The following RGS5 variants were observed in gnomAD, a reference collection of about 807,000 sequenced individuals.
RGS5 encodes regulator of G protein signaling 5.
RGS5 carries 20 observed loss-of-function variants against 18.9 expected under a neutral mutation model. The ratio of observed to expected loss-of-function variants is 1.06; its 90% CI spans 0.74 to 1.54. The LOEUF (loss-of-function observed/expected upper bound fraction) is 1.54. Among genes scored for constraint, RGS5 ranks in the 40% most tolerant of loss-of-function variants. The pLI, the probability that RGS5 is intolerant of heterozygous loss-of-function variation, is 0.00. For synonymous variants in RGS5, 57 were observed against 76.2 expected (o/e 0.75, Z 1.31); for missense variants, 201 against 211.8 (o/e 0.95, Z 0.32).
intron 2 of RGS5, among the ~76,000 whole-genome samples, chr1:163,277,147 T>C (rs1648878383): frequency 1.3e-5 from 2 of 152,180 alleles, no homozygotes; most frequent in Admixed American, 1.3e-4. Flanking sequence ...TGATTCCAGG[T>C]CTTTAGATAA....
At chr1:163,319,850 T>A (rs1226440423) in intron 1 of RGS5, among the ~76,000 whole-genome samples, 1 of 152,194 alleles carries the variant, frequency 6.6e-6, no homozygotes, top group African/African-American at 2.4e-5. Context: ...TTATGGGTGA[T>A]AACAAAACTC....
intron 1 of RGS5, chr1:163,211,775 A>G (rs1660110958): frequency 6.6e-6 from 1 of 152,176 alleles, no homozygotes; most frequent in African/African-American, 2.4e-5. Flanking sequence ...GTCTCTGAAA[A>G]GAACAGTCAA....
intron 2 of RGS5, chr1:163,239,034 G>T: frequency 4.6e-6 from 1 of 215,136 alleles, no homozygotes. Context: ...GTGAGCTACT[G>T]CGGTACCAAG....
At chr1:163,268,132 G>C (rs1022021862) in intron 2 of RGS5, among the ~76,000 whole-genome samples, 2 of 151,780 alleles carry the variant, frequency 1.3e-5, no homozygotes, top group African/African-American at 4.8e-5. Flanking sequence ...ATGTGTAAAT[G>C]AGACACTAAA....
intron 2 of RGS5, among the ~76,000 whole-genome samples, chr1:163,294,345 C>A (rs1465001597): frequency 2.6e-5 from 4 of 152,238 alleles, no homozygotes; most frequent in Non-Finnish European, 4.4e-5. Flanking sequence ...ACAGGCCCAA[C>A]ACCACATGGG....
chr1:163,164,242 T>C (rs1021007441), intron 2 of RGS5, among the ~76,000 whole-genome samples: 1 of 152,142 alleles, frequency 6.6e-6, no homozygotes, highest in African/African-American at 2.4e-5. Flanking sequence ...GGAAACAAGA[T>C]AGATGCAGAT....
At chr1:163,194,883 C>G (rs1273926663) in intron 1 of RGS5, among the ~76,000 whole-genome samples, 1 of 151,932 alleles carries the variant, frequency 6.6e-6, no homozygotes, top group Non-Finnish European at 1.5e-5. Flanking sequence ...TTTGTAAAGA[C>G]TTGATATGTT....
intron 1 of RGS5, among the ~76,000 whole-genome samples, chr1:163,198,290 T>C (rs936199235): frequency 1.3e-5 from 2 of 152,122 alleles, no homozygotes; most frequent in South Asian, 4.1e-4. Flanking sequence ...CAAAAGCCCC[T>C]GTGTGAACTG....
In RGS5 at chr1:163,142,461, G is replaced by A. The variant is rs1369304039; in HGVS notation, c.*4881C>T. 2 of 151,944 alleles carry A rather than the reference G, an allele frequency of 1.3e-5. No homozygotes were observed. The highest frequency in any genetic ancestry group is 3.9e-4 in the East Asian group (2 of 5,186). The allele number at this position is 151,944 out of a possible 1,614,324, so 9.4% of individuals were successfully genotyped here. On this transcript the variant is annotated 3_prime_UTR_variant, in exon 5 of 5. Coordinates refer to ENST00000313961, the MANE Select transcript of RGS5 (RefSeq NM_003617.4). Reference sequence around the variant, plus strand: ...TTTTTCTTGAATTTAAAATATATGGGATAAATGCTTACAAATGGATTTATA... The same window carrying A: ...TTTTTCTTGAATTTAAAATATATGGAATAAATGCTTACAAATGGATTTATA...
At chr1:163,274,824 G>A (rs78589635) in intron 2 of RGS5, among the ~76,000 whole-genome samples, 2,714 of 152,246 alleles carry the variant, frequency 0.018, 78 homozygotes, top group African/African-American at 0.06. Context: ...AAAGTTCAAG[G>A]TGGCCTGGTA....
chr1:163,284,227 C>T (rs1455558622), intron 2 of RGS5, among the ~76,000 whole-genome samples: 5 of 152,232 alleles, frequency 3.3e-5, no homozygotes, highest in African/African-American at 7.2e-5. Flanking sequence ...TTTCACTTAC[C>T]GGTTTATTCA....
At chr1:163,153,373 C>A (rs1657453450) in intron 3 of RGS5, among the ~76,000 whole-genome samples, 1 of 152,070 alleles carries the variant, frequency 6.6e-6, no homozygotes, top group Non-Finnish European at 1.5e-5. Flanking sequence ...AAGGTAGTAA[C>A]AGAGTCATAG....
chr1:163,189,533 C>G (rs187853632), intron 1 of RGS5, among the ~76,000 whole-genome samples: 1 of 152,114 alleles, frequency 6.6e-6, no homozygotes, highest in Non-Finnish European at 1.5e-5. Flanking sequence ...AAACAAGGGT[C>G]TTAATACAAC....
intron 1 of RGS5, among the ~76,000 whole-genome samples, chr1:163,176,111 T>C (rs554076062): frequency 6.6e-6 from 1 of 152,324 alleles, no homozygotes; most frequent in South Asian, 2.1e-4. Flanking sequence ...ATTATACCCT[T>C]TCAACTCTTG....
intron 2 of RGS5, among the ~76,000 whole-genome samples, chr1:163,298,784 G>C (rs1021678875): frequency 2.0e-5 from 3 of 152,136 alleles, no homozygotes; most frequent in East Asian, 1.9e-4. Flanking sequence ...AGTTCAGAGA[G>C]AGCCCTTTCT....
intron 2 of RGS5, among the ~76,000 whole-genome samples, chr1:163,271,221 T>A (rs893812061): frequency 1.6e-4 from 24 of 152,120 alleles, no homozygotes; most frequent in African/African-American, 5.6e-4. Context: ...CTGGCACCCT[T>A]GACATAATAT....
At chr1:163,296,065 A>G (rs1434381279) in intron 2 of RGS5, among the ~76,000 whole-genome samples, 1 of 152,146 alleles carries the variant, frequency 6.6e-6, no homozygotes, top group Admixed American at 6.5e-5. Flanking sequence ...CCAATCTGAT[A>G]TTTCTTATTA....
At chr1:163,209,517 C>T (rs534773829) in intron 1 of RGS5, among the ~76,000 whole-genome samples, 1 of 152,096 alleles carries the variant, frequency 6.6e-6, no homozygotes, top group South Asian at 2.1e-4. Flanking sequence ...ACAGGAATAT[C>T]TTACCATTTG....
At chr1:163,243,557 G>C (rs990518512) in intron 2 of RGS5, among the ~76,000 whole-genome samples, 1 of 146,890 alleles carries the variant, frequency 6.8e-6, no homozygotes, top group African/African-American at 2.5e-5. Context: ...TGAGGCAGGA[G>C]AATGGCGTGA....
Sources: allele counts gnomAD v4.1 joint callset (sites outside exome capture counted in the v4.1 genomes callset), GRCh38; gene constraint gnomAD v4.1.1; transcripts MANE v1.5; gene names NCBI Gene and HGNC (gene_info 2026-07-23, HGNC 2026-07-21).